Variants in IL21R observed in about 807,000 individuals in gnomAD.
The protein encoded by IL21R is interleukin 21 receptor, also known as interleukin-21 receptor.
A neutral mutation model predicts 41.3 loss-of-function variants in IL21R; 14 were observed. The observed-to-expected ratio is 0.34, with a 90% CI of 0.22 to 0.53. The LOEUF (loss-of-function observed/expected upper bound fraction) is 0.53, where lower values mean the gene tolerates loss of function less well. Among genes scored for constraint, IL21R ranks in the 20% least tolerant of loss-of-function variants. IL21R has a pLI of 0.94. For synonymous variants in IL21R, 286 were observed against 287.6 expected (o/e 0.99, Z 0.05); for missense variants, 588 against 681.6 (o/e 0.86, Z 1.53).
chr16:27,423,075 G>A (rs1235852329), intron 1 of IL21R, among the ~76,000 whole-genome samples: 1 of 151,954 alleles, frequency 6.6e-6, no homozygotes, highest in Non-Finnish European at 1.5e-5. Context: ...TTCCTTCTTA[G>A]TTTTCCCACC....
intron 1 of IL21R, among the ~76,000 whole-genome samples, chr16:27,429,666 C>G (rs1042649655): frequency 6.6e-6 from 1 of 151,898 alleles, no homozygotes; most frequent in African/African-American, 2.4e-5. Flanking sequence ...CCCAGCTACT[C>G]GGGAGGCTGA....
At chr16:27,409,825 A>T (rs1024563846) in intron 1 of IL21R, among the ~76,000 whole-genome samples, 1 of 152,198 alleles carries the variant, frequency 6.6e-6, no homozygotes, top group African/African-American at 2.4e-5. Flanking sequence ...ATTTCTATAT[A>T]AATTTTAGAA....
At position 27,446,019 on chromosome 16, in the gene IL21R, G is replaced by A. The variant is rs1465590486; in HGVS notation, c.798G>A (p.Lys266=). Residue 266 remains lysine (K), a synonymous_variant, in exon 8 of 9, where the codon AAG becomes AAA. Coordinates refer to ENST00000337929, the MANE Select transcript of IL21R (RefSeq NM_181078.3). The part of the protein sequence containing the change: ...KTHPLWRLWK[K]IWAVPSPERF... ...TCTGCCCCCTCAGGCTATGGAAGAA[G>A]ATATGGGCCGTCCCCAGCCCTGAGC... The A allele has an allele frequency of 5.0e-6, 8 of 1,613,044 alleles. No homozygotes were observed. Among genetic ancestry groups the A allele is most frequent in the Admixed American group, 1.7e-5 (1 of 59,898 alleles).
At chr16:27,413,599 T>G (rs1161094719) in intron 1 of IL21R, among the ~76,000 whole-genome samples, 1 of 147,806 alleles carries the variant, frequency 6.8e-6, no homozygotes, top group Non-Finnish European at 1.5e-5. Flanking sequence ...TTCTAGGAGG[T>G]TTTCGATTAC....
At chr16:27,435,415 C>T (rs1324196405) in intron 3 of IL21R, among the ~76,000 whole-genome samples, 2 of 152,088 alleles carry the variant, frequency 1.3e-5, no homozygotes, top group Non-Finnish European at 2.9e-5. Flanking sequence ...CACAAAACAA[C>T]CAACAAGGTG....
chr16:27,415,847 A>G (rs550014447), intron 1 of IL21R, among the ~76,000 whole-genome samples: 221 of 152,326 alleles, frequency 1.5e-3, no homozygotes, highest in Middle Eastern at 6.8e-3. Flanking sequence ...TTCTTTGGAG[A>G]TGGACTATGT....
At position 27,430,063 on chromosome 16, in the gene IL21R, G is replaced by A. The variant is rs914969537; in HGVS notation, c.-9G>A. On this transcript the variant is annotated 5_prime_UTR_variant, in exon 2 of 9. Transcript: ENST00000337929. ...ACTGTACGTCTCTTGCAGGCCCGTG[G>A]GAGTCAGCATGCCGCGTGGCTGGGC... 1.2e-6 allele frequency: 2 copies of A among 1,606,536 alleles called. No individual in the cohort carries two copies. Among genetic ancestry groups the A allele is most frequent in the South Asian group, 1.1e-5 (1 of 90,954 alleles).
At chr16:27,434,498 T>G in intron 3 of IL21R, 49 bp downstream of exon 3, 1 of 1,168,120 alleles carries the variant, frequency 8.6e-7, no homozygotes, top group Non-Finnish European at 1.3e-6. Context: ...TCAGGGTGCC[T>G]GCTCAGTGAT....
intron 3 of IL21R, among the ~76,000 whole-genome samples, chr16:27,435,896 G>A (rs938120500): frequency 5.3e-5 from 8 of 152,082 alleles, no homozygotes; most frequent in African/African-American, 1.9e-4. Flanking sequence ...AACCTCCCAA[G>A]TATCTGGGAT....
intron 1 of IL21R, among the ~76,000 whole-genome samples, chr16:27,415,919 G>C (rs1168627410): frequency 6.6e-6 from 1 of 152,164 alleles, no homozygotes; most frequent in Non-Finnish European, 1.5e-5. Context: ...GAGAAATAGA[G>C]TTTATTTTTT....
At chr16:27,435,964 G>A (rs2087262516) in intron 3 of IL21R, among the ~76,000 whole-genome samples, 2 of 152,138 alleles carry the variant, frequency 1.3e-5, no homozygotes, top group Non-Finnish European at 2.9e-5. Context: ...GTAGAGACAG[G>A]GTTTTGTCAT....
rs543436759 is a variant in IL21R, at chr16:27,448,641, G to A, written c.975G>A (p.Pro325=). The change falls in exon 9 of 9, where the codon CCG becomes CCA. Residue 325 remains proline (P), a synonymous_variant. Transcript: ENST00000337929. ...ACAGCTGCCACCCACCACGGAGCCCGGCCAAGAGGCTGCAGCTCACGGAGC... is the reference window on the plus strand; with the variant it reads ...ACAGCTGCCACCCACCACGGAGCCCAGCCAAGAGGCTGCAGCTCACGGAGC... ...EVYSCHPPRS[P]AKRLQLTELQ... is the part of the protein sequence containing the mutation. 5.0e-6 allele frequency: 8 copies of A among 1,612,976 alleles called. No individual in the cohort carries two copies. Among genetic ancestry groups the A allele is most frequent in the Middle Eastern group, 1.6e-4 (1 of 6,084 alleles).
chr16:27,434,599 C>G, intron 3 of IL21R, 150 bp downstream of exon 3: 1 of 607,104 alleles, frequency 1.6e-6, no homozygotes, highest in Non-Finnish European at 2.9e-6. Flanking sequence ...GTCAGGAGCC[C>G]GCAGGGTTGG....
chr16:27,451,256 G>C lies in IL21R; in HGVS notation c.*1973G>C, dbSNP rs1234703986. ...ACCTGAGCCACAGGCTCCCAGGAAA[G>C]CAGCACAGCTCTCCTGCACCCAGAG... On this transcript the variant is annotated 3_prime_UTR_variant, in exon 9 of 9. Transcript: ENST00000337929. 4.3e-6 allele frequency: 1 copy of C among 230,488 alleles called. No individual in the cohort carries two copies. The highest frequency in any genetic ancestry group is 8.6e-6 in the Non-Finnish European group (1 of 116,448). 14.3% of individuals were successfully genotyped at this position (230,488 alleles called of 1,614,324 possible). A position where few individuals can be genotyped will look rare whatever the true frequency, so the allele number is the denominator to read the frequency against.
chr16:27,438,443 G>T (rs2087312535), intron 4 of IL21R, among the ~76,000 whole-genome samples: 1 of 152,184 alleles, frequency 6.6e-6, no homozygotes, highest in Non-Finnish European at 1.5e-5. Flanking sequence ...TAGGGCAGGT[G>T]GCAGGGCGAG....
intron 2 of IL21R, among the ~76,000 whole-genome samples, chr16:27,432,564 A>G (rs2087193258): frequency 6.6e-6 from 1 of 152,194 alleles, no homozygotes; most frequent in Non-Finnish European, 1.5e-5. Context: ...GAGCCTGGCT[A>G]GGAATGGTAG....
Position 27,449,409 on chromosome 16 carries a change from G to A in IL21R, c.*126G>A. ...TCCTGGATGGGCCTTTGAGCCTGAT[G>A]TTTACAGTGTCTGTGTGTGTGTGTG... On this transcript the variant is annotated 3_prime_UTR_variant, in exon 9 of 9. Transcript: ENST00000337929. The A allele has an allele frequency of 2.2e-6, 2 of 897,980 alleles. No homozygotes were observed. The highest frequency in any genetic ancestry group is 3.3e-6 in the Non-Finnish European group (2 of 604,816). The allele number at this position is 897,980 out of a possible 1,614,324, so 55.6% of individuals were successfully genotyped here.
chr16:27,427,184 T>G, intron 1 of IL21R: 1 of 389,884 alleles, frequency 2.6e-6, no homozygotes, highest in Non-Finnish European at 3.5e-6. Context: ...ACAGATGGGG[T>G]GTTTTGATTG....
chr16:27,418,755 C>A (rs947606859), intron 1 of IL21R, among the ~76,000 whole-genome samples: 1 of 152,148 alleles, frequency 6.6e-6, no homozygotes, highest in African/African-American at 2.4e-5. Flanking sequence ...TGTAATAACA[C>A]TTAAGTGTTT....
Sources: allele counts gnomAD v4.1 joint callset (sites outside exome capture counted in the v4.1 genomes callset), GRCh38; gene constraint gnomAD v4.1.1; transcripts MANE v1.5; gene names NCBI Gene and HGNC (gene_info 2026-07-23, HGNC 2026-07-21).